MARCHF1: variants seen among roughly 807,000 people sequenced by gnomAD.
The protein encoded by MARCHF1 is membrane associated ring-CH-type finger 1, also known as E3 ubiquitin-protein ligase MARCHF1.
In MARCHF1, 40 loss-of-function variants were observed where a neutral mutation model predicts 54.2. That is an observed-to-expected ratio of 0.74 (90% CI 0.57 to 0.96). The LOEUF (loss-of-function observed/expected upper bound fraction) is 0.96, where lower values mean the gene tolerates loss of function less well. MARCHF1 is among the 40% of genes least tolerant of loss of function. The pLI is 0.00. For missense variants in MARCHF1, 586 were observed against 656.5 expected, an observed-to-expected ratio of 0.89 and a Z score of 1.17; for synonymous variants, 236 against 236.3, an observed-to-expected ratio of 1.00 and a Z score of 0.01.
chr4:163,566,122 T>C (rs1739636781), intron 8 of MARCHF1, among the ~76,000 whole-genome samples: 1 of 152,176 alleles, frequency 6.6e-6, no homozygotes, highest in Non-Finnish European at 1.5e-5. Context: ...ATAAAGCAAT[T>C]TTGAATGAGA....
chr4:164,044,473 G>C (rs951888894), intron 2 of MARCHF1, among the ~76,000 whole-genome samples: 3 of 152,056 alleles, frequency 2.0e-5, no homozygotes, highest in African/African-American at 7.2e-5. Flanking sequence ...AGATCAAGGG[G>C]GAAGTCTGCC....
At chr4:163,539,372 A>T (rs1738651076) in intron 9 of MARCHF1, among the ~76,000 whole-genome samples, 1 of 152,174 alleles carries the variant, frequency 6.6e-6, no homozygotes, top group Non-Finnish European at 1.5e-5. Context: ...TTAAAATTGG[A>T]GGTAATAGTA....
At chr4:163,617,432 A>G (rs1378803504) in intron 5 of MARCHF1, among the ~76,000 whole-genome samples, 1 of 152,160 alleles carries the variant, frequency 6.6e-6, no homozygotes, top group African/African-American at 2.4e-5. Flanking sequence ...TGGGTTGGTA[A>G]TTACCCGATT....
At chr4:164,161,295 C>T (rs1241201238) in intron 1 of MARCHF1, among the ~76,000 whole-genome samples, 1 of 152,062 alleles carries the variant, frequency 6.6e-6, no homozygotes, top group Non-Finnish European at 1.5e-5. Context: ...GCCTGCTCCC[C>T]CTTCACCTTC....
At chr4:163,861,286 A>G (rs1749925184) in intron 3 of MARCHF1, among the ~76,000 whole-genome samples, 1 of 152,200 alleles carries the variant, frequency 6.6e-6, no homozygotes, top group Non-Finnish European at 1.5e-5. Flanking sequence ...GGAGAAAAGA[A>G]AACGCAGAAC....
intron 1 of MARCHF1, among the ~76,000 whole-genome samples, chr4:164,242,014 C>G (rs920598412): frequency 6.6e-5 from 10 of 152,202 alleles, no homozygotes; most frequent in Non-Finnish European, 1.0e-4. Flanking sequence ...GCACGGCAGT[C>G]TGAGATCAAA....
chr4:163,808,664 G>A (rs1271475709), intron 4 of MARCHF1, among the ~76,000 whole-genome samples: 1 of 152,088 alleles, frequency 6.6e-6, no homozygotes, highest in African/African-American at 2.4e-5. Flanking sequence ...CACCTCCTGG[G>A]TTCAAGCCAT....
intron 5 of MARCHF1, among the ~76,000 whole-genome samples, chr4:163,615,768 A>G (rs953353353): frequency 6.6e-6 from 1 of 152,132 alleles, no homozygotes; most frequent in Non-Finnish European, 1.5e-5. Flanking sequence ...CAAATAACCA[A>G]AGCAATGTTG....
At chr4:163,849,328 T>C (rs1749578015) in intron 4 of MARCHF1, among the ~76,000 whole-genome samples, 1 of 148,790 alleles carries the variant, frequency 6.7e-6, no homozygotes, top group Non-Finnish European at 1.5e-5. Flanking sequence ...GTAAAACACT[T>C]AGAAAAGTTC....
intron 1 of MARCHF1, among the ~76,000 whole-genome samples, chr4:164,258,241 C>T (rs1239020182): frequency 6.6e-6 from 1 of 151,918 alleles, no homozygotes; most frequent in African/African-American, 2.4e-5. Context: ...CACACAGGGC[C>T]TGTAGCAGGG....
chr4:164,306,610 T>A (rs1734701489), intron 1 of MARCHF1, among the ~76,000 whole-genome samples: 1 of 152,158 alleles, frequency 6.6e-6, no homozygotes, highest in South Asian at 2.1e-4. Context: ...ATAATCTATA[T>A]CTGCTGTAAC....
At chr4:164,052,924 A>G (rs1336213845) in intron 2 of MARCHF1, among the ~76,000 whole-genome samples, 1 of 152,162 alleles carries the variant, frequency 6.6e-6, no homozygotes, top group Non-Finnish European at 1.5e-5. Context: ...GAACTATCCT[A>G]CAAAAACATG....
rs373735762 is a variant in MARCHF1 at position 164,325,863 on chromosome 4, A to C, written c.-323+58007T>G. 6.6e-5 allele frequency among the ~76,000 whole-genome samples: 10 copies of C among 152,338 alleles called. No individual in the cohort carries two copies. The South Asian group carries it at 2.1e-3, about 32-fold the overall frequency. On this transcript the variant is annotated intron_variant, in intron 1 of 9. Transcript: ENST00000514618. The stretch of plus-strand genomic sequence containing the variant: ...ACCATACATGAAATAATTGATGCCC[A>C]GAGGCAAGGGGAAAAATAAAAATAA...
intron 2 of MARCHF1, among the ~76,000 whole-genome samples, chr4:164,073,926 C>G (rs544977360): frequency 1.8e-3 from 277 of 152,226 alleles, no homozygotes; most frequent in African/African-American, 6.4e-3. Context: ...GCCTCAGCCT[C>G]CCAAGTAGCT....
chr4:163,667,458 T>C (rs1205555576), intron 5 of MARCHF1, among the ~76,000 whole-genome samples: 3 of 152,158 alleles, frequency 2.0e-5, no homozygotes, highest in Admixed American at 6.5e-5. Context: ...ATGTGAGTCA[T>C]AAAACCTTTT....
chr4:163,869,583 C>T (rs1389897569), intron 3 of MARCHF1, among the ~76,000 whole-genome samples: 1 of 152,012 alleles, frequency 6.6e-6, no homozygotes, highest in African/African-American at 2.4e-5. Context: ...AAAATTCTTT[C>T]TATATTATCT....
At chr4:163,979,257 G>C (rs1435530503) in intron 3 of MARCHF1, among the ~76,000 whole-genome samples, 33 of 117,576 alleles carry the variant, frequency 2.8e-4, no homozygotes, top group African/African-American at 1.1e-3. Flanking sequence ...ACCTATGAGT[G>C]AGAATATGCG....
intron 3 of MARCHF1, among the ~76,000 whole-genome samples, chr4:163,879,429 T>TA (rs891377590): frequency 2.6e-4 from 39 of 152,306 alleles, no homozygotes; most frequent in African/African-American, 8.4e-4. Context: ...CTTCATGGGA[T>TA]AAAAAATAAA....
intron 3 of MARCHF1, among the ~76,000 whole-genome samples, chr4:163,878,049 A>C (rs1579359881): frequency 6.6e-6 from 1 of 152,120 alleles, no homozygotes; most frequent in Admixed American, 6.6e-5. Context: ...TATGTTTCTC[A>C]CTTTCCCCTT....
Sources: gnomAD v4.1 joint callset for allele counts (sites outside exome capture counted in the v4.1 genomes callset) on GRCh38, gnomAD v4.1.1 for gene constraint, MANE v1.5 for transcripts, NCBI Gene and HGNC (gene_info 2026-07-23, HGNC 2026-07-21) for gene names.